The following HDHD5 variants were observed in gnomAD, a reference collection of about 807,000 sequenced individuals.
HDHD5 encodes haloacid dehalogenase-like hydrolase domain-containing 5.
HDHD5 carries 34 observed loss-of-function variants against 35.5 expected under a neutral mutation model. The observed-to-expected ratio is 0.96, with a 90% CI of 0.73 to 1.28. HDHD5 has a LOEUF of 1.28. HDHD5 is among the 50% of genes most tolerant of loss of function. The pLI, the probability that HDHD5 is intolerant of heterozygous loss-of-function variation, is 0.00. For missense variants in HDHD5, 589 were observed against 560.2 expected (o/e 1.05, Z -0.52); for synonymous variants, 248 against 240.6 (o/e 1.03, Z -0.29).
chr22:17,159,373 G>T (rs1018962044), upstream of HDHD5: 9 of 1,150,886 alleles, frequency 7.8e-6, no homozygotes, highest in Non-Finnish European at 1.0e-5. Flanking sequence ...CTGTAAGCGC[G>T]CGGAGCCCGT....
intron 1 of HDHD5, among the ~76,000 whole-genome samples, chr22:17,152,424 A>G (rs1295459745): frequency 1.3e-5 from 2 of 152,132 alleles, no homozygotes; most frequent in East Asian, 1.9e-4. Flanking sequence ...ATCCAGATAC[A>G]GGGGTGGAGG....
intron 1 of HDHD5, among the ~76,000 whole-genome samples, chr22:17,154,295 C>T (rs1421281588): frequency 6.6e-6 from 1 of 151,528 alleles, no homozygotes; most frequent in East Asian, 2.0e-4. Flanking sequence ...CCAGCCTGAC[C>T]AACACGGAGA....
intron 5 of HDHD5, chr22:17,142,254 A>G (rs902771137): frequency 1.3e-5 from 2 of 152,216 alleles, no homozygotes; most frequent in African/African-American, 4.8e-5. Flanking sequence ...CCATGTCCTC[A>G]TAACATTTGA....
intron 1 of HDHD5, among the ~76,000 whole-genome samples, chr22:17,150,090 T>C (rs1402354546): frequency 6.6e-6 from 1 of 152,162 alleles, no homozygotes; most frequent in Non-Finnish European, 1.5e-5. Context: ...CTAGGATTAT[T>C]AGGCGTGAGC....
intron 3 of HDHD5, among the ~76,000 whole-genome samples, chr22:17,146,544 C>T (rs564035165): frequency 5.8e-4 from 72 of 123,974 alleles, no homozygotes; most frequent in African/African-American, 2.1e-3. Flanking sequence ...CGCCCCACAC[C>T]TGTGACGCCC....
chr22:17,162,513 C>G (rs1472501469), upstream of HDHD5, among the ~76,000 whole-genome samples: 1 of 152,126 alleles, frequency 6.6e-6, no homozygotes, highest in African/African-American at 2.4e-5. Flanking sequence ...CCAGCCCATC[C>G]AAAGCAGGAA....
At chr22:17,141,502 C>T (rs1170681639) in intron 5 of HDHD5, 1 of 1,285,920 alleles carries the variant, frequency 7.8e-7, no homozygotes. Context: ...AAAACAAAAG[C>T]AGCATGTCTC....
chr22:17,159,185 C>A lies in HDHD5; in HGVS notation c.67G>T (p.Ala23Ser). 8.2e-7 allele frequency: 1 copy of A among 1,214,038 alleles called. No individual in the cohort carries two copies. The highest frequency in any genetic ancestry group is 1.0e-6 in the Non-Finnish European group (1 of 975,660). The allele number at this position is 1,214,038 out of a possible 1,614,324, so 75.2% of individuals were successfully genotyped here. A position where few individuals can be genotyped will look rare whatever the true frequency, so the allele number is the denominator to read the frequency against. The change falls in exon 1 of 8, where the codon GCG (alanine) becomes TCG (serine). Residue 23 changes from alanine to serine, a missense_variant. Physicochemically the swap from Ala to Ser is moderately conservative, Grantham distance 99. Coordinates refer to ENST00000336737, the MANE Select transcript of HDHD5 (RefSeq NM_033070.3). ...ARGLCWRAAR[A>S]AAGLQGRPAR... is the part of the protein sequence containing the mutation. Reference sequence around the variant, plus strand: ...GGGCGGCCCTGGAGCCCCGCAGCCGCGCGCGCCGCCCGCCAGCAAAGCCCA... The same window carrying A: ...GGGCGGCCCTGGAGCCCCGCAGCCGAGCGCGCCGCCCGCCAGCAAAGCCCA...
intron 6 of HDHD5, among the ~76,000 whole-genome samples, chr22:17,140,205 T>C (rs2123848636): frequency 6.6e-6 from 1 of 152,290 alleles, no homozygotes; most frequent in South Asian, 2.1e-4. Flanking sequence ...CTCAAGAGAC[T>C]GGCCATGCAG....
Position 17,138,641 on chromosome 22 carries a change from T to C in HDHD5, c.844A>G (p.Ile282Val). ...TCCTCGGCATACTGGTAAGTGAGGA[T>C]GCTGGGTTTGCCCATCAGGCCCTCG... is the stretch of plus-strand genomic sequence containing the variant. The part of the protein sequence containing the change: ...RYEGLMGKPS[I>V]LTYQYAEDLI... Residue 282 changes from isoleucine (I) to valine (V), a missense_variant, in exon 7 of 8, where the codon ATC becomes GTC. Physicochemically the swap from Ile to Val is conservative, Grantham distance 29. Transcript: ENST00000336737. The C allele has an allele frequency of 1.2e-6, 2 of 1,614,244 alleles. No individual in the cohort carries two copies. The highest frequency in any genetic ancestry group is 1.7e-6 in the Non-Finnish European group (2 of 1,180,044).
chr22:17,164,255 A>T (rs953631789), upstream of HDHD5, among the ~76,000 whole-genome samples: 2 of 149,026 alleles, frequency 1.3e-5, no homozygotes, highest in African/African-American at 4.9e-5. Flanking sequence ...GCAATAGGTG[A>T]ATGACTGTTC....
chr22:17,156,938 C>T (rs1399257659), intron 1 of HDHD5, among the ~76,000 whole-genome samples: 4 of 151,926 alleles, frequency 2.6e-5, no homozygotes, highest in East Asian at 3.9e-4. Context: ...ATTAGCTGGG[C>T]GTGGTGGCAG....
Position 17,149,677 on chromosome 22 carries a change from A to G in HDHD5, c.195T>C (p.Pro65=). 1 of 1,614,074 alleles carries G rather than the reference A, an allele frequency of 6.2e-7. No individual in the cohort carries two copies. Among genetic ancestry groups the G allele is most frequent in the Non-Finnish European group, 8.5e-7 (1 of 1,180,038 alleles). Residue 65 remains proline, a synonymous_variant, in exon 2 of 8, where the codon CCT becomes CCC. Transcript: ENST00000336737. ...GCCTTCGGAAGGCTTTCAGAGCAGC[A>G]GGGATCACTCTGTGGCCCCGCACAA... The part of the protein sequence containing the change: ...GVLVRGHRVI[P]AALKAFRRLV...
intron 1 of HDHD5, among the ~76,000 whole-genome samples, chr22:17,153,343 G>A (rs944740118): frequency 1.3e-5 from 2 of 152,154 alleles, no homozygotes; most frequent in African/African-American, 4.8e-5. Flanking sequence ...CAGTTCACAA[G>A]TGCTGGATTC....
intron 1 of HDHD5, among the ~76,000 whole-genome samples, chr22:17,150,002 T>C (rs1331546277): frequency 2.0e-5 from 3 of 152,136 alleles, no homozygotes; most frequent in East Asian, 3.9e-4. Flanking sequence ...TGGAGTACAG[T>C]GGCATGATCA....
upstream of HDHD5, among the ~76,000 whole-genome samples, chr22:17,161,886 GAAA>G (rs71200232): frequency 7.2e-6 from 1 of 138,100 alleles, no homozygotes; most frequent in South Asian, 2.3e-4. Flanking sequence ...AAAAAAAAAA[GAAA>G]AAAAAAAAAC....
upstream of HDHD5, among the ~76,000 whole-genome samples, chr22:17,161,284 C>T (rs1367047143): frequency 4.0e-5 from 6 of 149,750 alleles, no homozygotes; most frequent in African/African-American, 1.2e-4. Flanking sequence ...AAAGGCCGGT[C>T]ACAGTGGCTC....
chr22:17,157,601 A>G (rs2061813686), intron 1 of HDHD5, among the ~76,000 whole-genome samples: 1 of 152,220 alleles, frequency 6.6e-6, no homozygotes, highest in South Asian at 2.1e-4. Context: ...CAGAGATGCT[A>G]GAGCCAATAC....
At chr22:17,162,783 C>T (rs2061871599), upstream of HDHD5, among the ~76,000 whole-genome samples, 2 of 152,234 alleles carry the variant, frequency 1.3e-5, no homozygotes, top group African/African-American at 4.8e-5. Context: ...AACAAGGGCA[C>T]TCACGTCTAC....
Sources: allele counts gnomAD v4.1 joint callset (sites outside exome capture counted in the v4.1 genomes callset), GRCh38; gene constraint gnomAD v4.1.1; transcripts MANE v1.5; gene names NCBI Gene and HGNC (gene_info 2026-07-23, HGNC 2026-07-21).